The following NAPEPLD variants were observed in gnomAD, a reference collection of about 807,000 sequenced individuals.
NAPEPLD encodes the protein N-acyl phosphatidylethanolamine phospholipase D.
NAPEPLD carries 23 observed loss-of-function variants against 38.1 expected under a neutral mutation model. The ratio of observed to expected loss-of-function variants is 0.60; its 90% CI spans 0.43 to 0.86. The LOEUF is 0.86. Ranked by LOEUF, NAPEPLD falls within the 40% of genes least tolerant of loss-of-function variation. The pLI is 0.00. For missense variants in NAPEPLD, 411 were observed against 476.8 expected, an observed-to-expected ratio of 0.86 and a Z score of 1.28; for synonymous variants, 147 against 162.0, an observed-to-expected ratio of 0.91 and a Z score of 0.71.
Position 103,101,365 on chromosome 7 carries a change from C to T in NAPEPLD, c.*2064G>A, listed in dbSNP as rs377378400. The stretch of plus-strand genomic sequence containing the variant: ...CATACACATTTCCCCTTGACTGATT[C>T]GCATCTTTGTAGATAAACACTAAAT... On this transcript the variant is annotated 3_prime_UTR_variant, in exon 5 of 5. Coordinates refer to ENST00000465647, the MANE Select transcript of NAPEPLD (RefSeq NM_001122838.3). The T allele has an allele frequency of 6.6e-5, 10 of 152,054 alleles. No individual in the cohort carries two copies. The highest frequency in any genetic ancestry group is 1.3e-4 in the Non-Finnish European group (9 of 68,018). 9.4% of individuals were successfully genotyped at this position (152,054 alleles called of 1,614,324 possible).
intron 2 of NAPEPLD, among the ~76,000 whole-genome samples, chr7:103,120,996 G>A (rs927257269): frequency 6.6e-6 from 1 of 152,104 alleles, no homozygotes; most frequent in African/African-American, 2.4e-5. Context: ...ATAGGCGTGA[G>A]CCACTGTGCC....
chr7:103,140,564 T>G (rs1191388076), intron 1 of NAPEPLD, among the ~76,000 whole-genome samples: 3 of 151,954 alleles, frequency 2.0e-5, no homozygotes, highest in Admixed American at 6.6e-5. Flanking sequence ...GGCTAATTTT[T>G]TTGTATTTTT....
At chr7:103,108,134 CTTTTTTT>C (rs56793237) in intron 4 of NAPEPLD, among the ~76,000 whole-genome samples, 1 of 117,550 alleles carries the variant, frequency 8.5e-6, no homozygotes, top group Non-Finnish European at 1.8e-5. Context: ...ATTCAACATT[CTTTTTTT>C]TTTTTTTTTT....
At chr7:103,127,685 A>T (rs1282839302) in intron 2 of NAPEPLD, 1 of 152,190 alleles carries the variant, frequency 6.6e-6, no homozygotes, top group Non-Finnish European at 1.5e-5. Flanking sequence ...CATAGGAGGC[A>T]GGGAAATAAT....
At chr7:103,131,526 G>C (rs2129531624) in intron 1 of NAPEPLD, among the ~76,000 whole-genome samples, 1 of 152,180 alleles carries the variant, frequency 6.6e-6, no homozygotes, top group South Asian at 2.1e-4. Context: ...GGGCGTGGTG[G>C]ACCTGTGCCT....
intron 4 of NAPEPLD, among the ~76,000 whole-genome samples, chr7:103,106,263 A>G (rs1183891059): frequency 6.6e-6 from 1 of 151,816 alleles, no homozygotes; most frequent in African/African-American, 2.4e-5. Flanking sequence ...CCAGGAGATT[A>G]CCTCCGGTGC....
intron 4 of NAPEPLD, among the ~76,000 whole-genome samples, chr7:103,108,776 A>G (rs945541407): frequency 6.6e-6 from 1 of 152,222 alleles, no homozygotes; most frequent in African/African-American, 2.4e-5. Context: ...TAATGCCCCA[A>G]TTAAAAGACA....
chr7:103,126,607 T>TG (rs397788567), intron 2 of NAPEPLD, among the ~76,000 whole-genome samples: 2 of 150,512 alleles, frequency 1.3e-5, no homozygotes, highest in Middle Eastern at 3.4e-3. Flanking sequence ...CAATTTTTTT[T>TG]GTTTTGTTTT....
chr7:103,141,673 C>T, intron 1 of NAPEPLD: 1 of 905,392 alleles, frequency 1.1e-6, no homozygotes, highest in Non-Finnish European at 1.9e-6. Context: ...CCTTCTCTGG[C>T]ATTCGGGCAT....
chr7:103,140,796 T>C (rs1256955783), intron 1 of NAPEPLD, among the ~76,000 whole-genome samples: 1 of 152,110 alleles, frequency 6.6e-6, no homozygotes, highest in Non-Finnish European at 1.5e-5. Flanking sequence ...AAAATAATAA[T>C]CTACCTGACT....
At chr7:103,149,127 G>A, upstream of NAPEPLD, 1 of 986,826 alleles carries the variant, frequency 1.0e-6, no homozygotes, top group African/African-American at 1.7e-5. Context: ...GACCGTGGAG[G>A]AGGCAGCAGA....
intron 4 of NAPEPLD, among the ~76,000 whole-genome samples, chr7:103,114,670 C>T (rs1805221841): frequency 6.6e-6 from 1 of 152,306 alleles, no homozygotes; most frequent in South Asian, 2.1e-4. Context: ...TTCCACATTA[C>T]AGCACTTTCC....
rs1802171349 is a variant in NAPEPLD, at chr7:103,100,030, A to G, written c.*3399T>C. ...TACTTTAAATTTCATTTGTAAATAC[A>G]TAGATGCAAGACTGTTTCCATAGGA... On this transcript the variant is annotated 3_prime_UTR_variant, in exon 5 of 5. Coordinates refer to ENST00000465647, the MANE Select transcript of NAPEPLD (RefSeq NM_001122838.3). The G allele has an allele frequency of 6.6e-6, 1 of 152,238 alleles. No individual in the cohort carries two copies. Among genetic ancestry groups the G allele is most frequent in the Non-Finnish European group, 1.5e-5 (1 of 68,034 alleles). 9.4% of individuals were successfully genotyped at this position (152,238 alleles called of 1,614,324 possible).
chr7:103,106,734 A>AAT (rs1803449600), intron 4 of NAPEPLD, among the ~76,000 whole-genome samples: 1 of 151,278 alleles, frequency 6.6e-6, no homozygotes, highest in Admixed American at 6.6e-5. Context: ...TCTCTAAAAA[A>AAT]AAAAGGCAGC....
At chr7:103,118,687 G>A (rs1806026842) in intron 3 of NAPEPLD, among the ~76,000 whole-genome samples, 1 of 152,144 alleles carries the variant, frequency 6.6e-6, no homozygotes, top group African/African-American at 2.4e-5. Context: ...GTTACTATTA[G>A]TGTTTTGTTT....
rs7789727 is a variant in NAPEPLD, at chr7:103,149,048, A to C, written c.-254T>G. 3.6e-5 allele frequency: 35 copies of C among 985,016 alleles called. No individual in the cohort carries two copies. Among genetic ancestry groups the C allele is most frequent in the South Asian group, 4.7e-5 (1 of 21,250 alleles). The allele number at this position is 985,016 out of a possible 1,614,324, so 61.0% of individuals were successfully genotyped here. A position where few individuals can be genotyped will look rare whatever the true frequency, so the allele number is the denominator to read the frequency against. ...GCTCGGGGACGGGAAACCCACTCTC[A>C]GCCCGCTCCACTTCGCCGAAGAATT... On this transcript the variant is annotated 5_prime_UTR_variant, in exon 1 of 5. Transcript: ENST00000465647.
At chr7:103,149,262 C>CG (rs1813249738), upstream of NAPEPLD, 2 of 1,000,718 alleles carry the variant, frequency 2.0e-6, no homozygotes, top group Non-Finnish European at 2.4e-6. Context: ...GGTGCGAGCG[C>CG]GGGGGTGCGG....
intron 1 of NAPEPLD, among the ~76,000 whole-genome samples, chr7:103,146,002 T>C (rs906681804): frequency 5.9e-5 from 9 of 151,980 alleles, no homozygotes; most frequent in African/African-American, 2.2e-4. Context: ...CGCACACACA[T>C]ATATGTTCAG....
chr7:103,117,981 A>C (rs1375979504), intron 3 of NAPEPLD, among the ~76,000 whole-genome samples: 1 of 152,198 alleles, frequency 6.6e-6, no homozygotes, highest in Non-Finnish European at 1.5e-5. Context: ...TCAGGAGTTC[A>C]AAACCAGTCT....
Sources: gnomAD v4.1 joint callset for allele counts (sites outside exome capture counted in the v4.1 genomes callset) on GRCh38, gnomAD v4.1.1 for gene constraint, MANE v1.5 for transcripts, NCBI Gene and HGNC (gene_info 2026-07-23, HGNC 2026-07-21) for gene names.